The following USP22 variants were observed in gnomAD, a reference collection of about 807,000 sequenced individuals.
USP22 encodes the protein ubiquitin specific peptidase 22.
Under a neutral mutation model 68.1 loss-of-function variants are expected in USP22, and 22 were observed. The ratio of observed to expected loss-of-function variants is 0.32; its 90% CI spans 0.23 to 0.46. The LOEUF (loss-of-function observed/expected upper bound fraction) is 0.46. Among genes scored for constraint, USP22 ranks in the 20% least tolerant of loss-of-function variants. The pLI, the probability that USP22 is intolerant of heterozygous loss-of-function variation, is 1.00. For missense variants in USP22, 433 were observed against 695.8 expected, an observed-to-expected ratio of 0.62 and a Z score of 4.25; for synonymous variants, 279 against 274.2, an observed-to-expected ratio of 1.02 and a Z score of -0.17.
intron 1 of USP22, among the ~76,000 whole-genome samples, chr17:21,040,538 C>T (rs1972414032): frequency 6.6e-6 from 1 of 151,288 alleles, no homozygotes; most frequent in African/African-American, 2.4e-5. Context: ...ACATGTGGCT[C>T]AACAGTTTTG....
chr17:21,007,733 A>G (rs1020613577), intron 9 of USP22, 137 bp downstream of exon 9: 32 of 1,128,684 alleles, frequency 2.8e-5, no homozygotes, highest in Non-Finnish European at 1.1e-5. Flanking sequence ...ATTCCCTCAC[A>G]CCCTCCCTTC....
In USP22 at chr17:21,001,152, C is replaced by T. The variant is rs1352311750; in HGVS notation, c.*1879G>A. On this transcript the variant is annotated 3_prime_UTR_variant, in exon 13 of 13. Transcript: ENST00000261497. ...ACCATTTCTGAAAATCTCGGCCCAT[C>T]TCTGTTTCTCTGGTAATTCATTTTA... 3.3e-5 allele frequency: 5 copies of T among 152,136 alleles called. No individual in the cohort carries two copies. The highest frequency in any genetic ancestry group is 1.2e-4 in the African/African-American group (5 of 41,428). The allele number at this position is 152,136 out of a possible 1,614,324, so 9.4% of individuals were successfully genotyped here.
intron 8 of USP22, among the ~76,000 whole-genome samples, chr17:21,008,806 G>A (rs1275491166): frequency 1.3e-5 from 2 of 152,076 alleles, no homozygotes; most frequent in Non-Finnish European, 2.9e-5. Flanking sequence ...GAGGTGAGAG[G>A]TCGGCCAGGT....
At chr17:21,016,804 G>A (rs1472483398) in intron 5 of USP22, among the ~76,000 whole-genome samples, 1 of 152,206 alleles carries the variant, frequency 6.6e-6, no homozygotes, top group Non-Finnish European at 1.5e-5. Flanking sequence ...GCACGAGGGA[G>A]TTCGGAGAGG....
In USP22 at chr17:21,018,131, G is replaced by A. The variant is rs372312186; in HGVS notation, c.521-20C>T. On this transcript the variant is annotated intron_variant, in intron 4 of 12. Transcript: ENST00000261497. ...GCAGACCTGGACACAAATCACCAGA[G>A]AGCAGGAGTTACCTGTGTGCTGAAC... 104 of 1,556,552 alleles carry A rather than the reference G, an allele frequency of 6.7e-5. No homozygotes were observed. The African/African-American group carries it at 1.1e-3, about 17-fold the overall frequency.
chr17:21,012,048 T>C (rs1395037696), intron 7 of USP22, among the ~76,000 whole-genome samples: 2 of 152,190 alleles, frequency 1.3e-5, no homozygotes, highest in South Asian at 2.1e-4. Flanking sequence ...GCTCGTCTTA[T>C]GCAGTTTAGA....
chr17:21,027,701 G>C (rs1972239556), intron 2 of USP22, among the ~76,000 whole-genome samples: 1 of 152,206 alleles, frequency 6.6e-6, no homozygotes, highest in Non-Finnish European at 1.5e-5. Context: ...GGGCACAATG[G>C]TTCATGCCTG....
intron 9 of USP22, 90 bp downstream of exon 9, chr17:21,007,780 T>C: frequency 1.3e-6 from 2 of 1,507,272 alleles, no homozygotes; most frequent in Non-Finnish European, 1.8e-6. Flanking sequence ...TTATAAAAAA[T>C]GTAACTGCAC....
At chr17:21,011,337 T>G (rs1597690406) in intron 7 of USP22, 28 bp from the exon 8 acceptor site, 4 of 1,551,228 alleles carry the variant, frequency 2.6e-6, no homozygotes, top group South Asian at 1.2e-5. Context: ...ACAATGGCTG[T>G]GAGGACTGAC....
chr17:21,014,060 G>A (rs923715051), intron 6 of USP22, among the ~76,000 whole-genome samples: 4 of 152,308 alleles, frequency 2.6e-5, no homozygotes, highest in East Asian at 3.9e-4. Context: ...GCGACAGAGC[G>A]AGACTCTGAC....
At chr17:21,015,001 C>T (rs1597692283) in intron 6 of USP22, among the ~76,000 whole-genome samples, 3 of 152,330 alleles carry the variant, frequency 2.0e-5, no homozygotes, top group African/African-American at 7.2e-5. Context: ...AAGTGACCAG[C>T]CCACACTCAT....
chr17:21,006,700 T>C, intron 10 of USP22, 196 bp downstream of exon 10: 1 of 333,304 alleles, frequency 3.0e-6, no homozygotes, highest in Non-Finnish European at 5.7e-6. Context: ...AGACGGGGTT[T>C]CACCATGTTG....
At chr17:21,004,529 C>A (rs78692492) in intron 11 of USP22, among the ~76,000 whole-genome samples, 178 bp from the exon 12 acceptor site, 39 of 152,190 alleles carry the variant, frequency 2.6e-4, no homozygotes, top group Non-Finnish European at 1.5e-4. Context: ...CTGGTCACCC[C>A]CCTTGGCTCT....
Position 21,021,145 on chromosome 17 carries a change from T to C in USP22, c.386A>G (p.Lys129Arg). The C allele has an allele frequency of 6.2e-7, 1 of 1,614,192 alleles. No individual in the cohort carries two copies. Among genetic ancestry groups the C allele is most frequent in the Non-Finnish European group, 8.5e-7 (1 of 1,180,016 alleles). ...IYDKDMEIIA[K>R]EEQRKAWKMQ... The stretch of plus-strand genomic sequence containing the variant: ...TTTCCAAGCTTTTCGCTGCTCCTCC[T>C]TGGCGATTATTTCCATGTCTTTGTC... Residue 129 changes from lysine to arginine, a missense_variant, in exon 3 of 13, where the codon AAG becomes AGG. Lys to Arg is a conservative substitution (Grantham distance 26). Around this residue, in one of 4 missense-constraint regions of USP22, gnomAD observed 144 missense variants for 237.2 expected, o/e 0.61. Coordinates refer to ENST00000261497, the MANE Select transcript of USP22 (RefSeq NM_015276.2).
chr17:21,027,937 C>T (rs1195696669), intron 2 of USP22, among the ~76,000 whole-genome samples: 1 of 152,180 alleles, frequency 6.6e-6, no homozygotes, highest in Non-Finnish European at 1.5e-5. Flanking sequence ...CACCGCACTC[C>T]ACCCTGGGTG....
intron 1 of USP22, among the ~76,000 whole-genome samples, chr17:21,041,299 G>A (rs1972427557): frequency 6.6e-6 from 1 of 152,036 alleles, no homozygotes; most frequent in Non-Finnish European, 1.5e-5. Flanking sequence ...TACCATTACA[G>A]ATAAAAAAAA....
At chr17:21,039,766 C>A (rs550947007) in intron 1 of USP22, among the ~76,000 whole-genome samples, 2 of 152,268 alleles carry the variant, frequency 1.3e-5, no homozygotes, top group African/African-American at 4.8e-5. Flanking sequence ...CCTGAGATGT[C>A]CATCTCAAAA....
At chr17:21,007,012 G>A (rs780594668) in intron 9 of USP22, 25 bp from the exon 10 acceptor site, 15 of 1,567,016 alleles carry the variant, frequency 9.6e-6, no homozygotes, top group Admixed American at 3.7e-5. Context: ...AGGGGACAGA[G>A]GGAAGAGGAA....
chr17:21,014,439 T>C (rs1225912267), intron 6 of USP22, among the ~76,000 whole-genome samples: 1 of 152,240 alleles, frequency 6.6e-6, no homozygotes, highest in Non-Finnish European at 1.5e-5. Context: ...TACTAGGACA[T>C]GAAATTCTAC....
Sources: gnomAD v4.1 joint callset for allele counts (sites outside exome capture counted in the v4.1 genomes callset) on GRCh38, gnomAD v4.1.1 for gene constraint, gnomAD v4.1.1 regional missense constraint, MANE v1.5 for transcripts, NCBI Gene and HGNC (gene_info 2026-07-23, HGNC 2026-07-21) for gene names.